The following FGF14 variants were observed in gnomAD, a reference collection of about 807,000 sequenced individuals.
The protein encoded by FGF14 is fibroblast growth factor homologous factor 4.
FGF14 carries 5 observed loss-of-function variants against 25.5 expected under a neutral mutation model. The ratio of observed to expected loss-of-function variants is 0.20; its 90% CI spans 0.10 to 0.41. The LOEUF is 0.41. Ranked by LOEUF, FGF14 falls within the 10% of genes least tolerant of loss-of-function variation. FGF14 has a pLI of 1.00. For missense variants in FGF14, 222 were observed against 320.1 expected, an observed-to-expected ratio of 0.69 and a Z score of 2.34; for synonymous variants, 138 against 118.3, an observed-to-expected ratio of 1.17 and a Z score of -1.08.
chr13:102,016,746 A>G (rs759760841), intron 1 of FGF14, among the ~76,000 whole-genome samples: 2 of 152,050 alleles, frequency 1.3e-5, no homozygotes, highest in South Asian at 4.1e-4. Context: ...TTGGCCTCCC[A>G]AATTGCTGGG....
At chr13:102,067,967 C>A (rs758452748) in intron 1 of FGF14, among the ~76,000 whole-genome samples, 3 of 152,154 alleles carry the variant, frequency 2.0e-5, no homozygotes, top group Non-Finnish European at 4.4e-5. Flanking sequence ...TGGCAGCAGA[C>A]TTCTCAGTGG....
In FGF14 at chr13:102,228,488, T is replaced by C. The variant is rs78501990; in HGVS notation, c.208+172983A>G. ...CTAAAATTGCCTAATGAATACTTAA[T>C]ATCCTTTTCCTTGAGATTGAAAACA... On this transcript the variant is annotated intron_variant, in intron 1 of 4. Transcript: ENST00000376131. Among the ~76,000 whole-genome samples, 697 of 152,310 alleles carry C rather than the reference T, an allele frequency of 4.6e-3. 2 individuals are homozygous for C. The highest frequency in any genetic ancestry group is 7.3e-3 in the Admixed American group (112 of 15,288).
chr13:102,209,402 G>A (rs1208985014), intron 1 of FGF14, among the ~76,000 whole-genome samples: 2 of 152,168 alleles, frequency 1.3e-5, no homozygotes, highest in Non-Finnish European at 2.9e-5. Flanking sequence ...AGCTGAGTAT[G>A]TTCTTCATGA....
intron 1 of FGF14, among the ~76,000 whole-genome samples, chr13:101,963,456 CT>C (rs932514519): frequency 1.1e-4 from 17 of 152,236 alleles, no homozygotes; most frequent in African/African-American, 4.1e-4. Context: ...CTCATTCACC[CT>C]TTTTTCCCCC....
chr13:101,920,358 T>C (rs1296718472), upstream of FGF14, among the ~76,000 whole-genome samples: 2 of 152,222 alleles, frequency 1.3e-5, no homozygotes, highest in Non-Finnish European at 2.9e-5. Context: ...TCAGAGGTTC[T>C]TGGTTCATTT....
chr13:101,990,826 T>C (rs1380080474), intron 1 of FGF14, among the ~76,000 whole-genome samples: 3 of 152,170 alleles, frequency 2.0e-5, no homozygotes, highest in East Asian at 1.9e-4. Flanking sequence ...ATCTCAATTA[T>C]GTTATTCCTG....
Position 102,137,054 on chromosome 13 carries a change from T to G in FGF14, c.209-261758A>C, listed in dbSNP as rs148615390. 1.1e-3 allele frequency among the ~76,000 whole-genome samples: 164 copies of G among 152,338 alleles called. No individual in the cohort carries two copies. In the Middle Eastern group the frequency reaches 0.02, roughly 19 times the overall value. On this transcript the variant is annotated intron_variant, in intron 1 of 4. Transcript: ENST00000376131. The stretch of plus-strand genomic sequence containing the variant: ...TTTTAGAAACAGCAATGAGGTCACT[T>G]TTAAACTATGCTAAAGTTTGGCTAC...
intron 1 of FGF14, among the ~76,000 whole-genome samples, chr13:102,368,535 C>T (rs887022819): frequency 6.6e-6 from 1 of 152,120 alleles, no homozygotes; most frequent in Admixed American, 6.5e-5. Flanking sequence ...CCTCTATATT[C>T]AAAGCTCCAG....
chr13:102,347,316 T>C (rs188310203), intron 1 of FGF14, among the ~76,000 whole-genome samples: 60 of 152,244 alleles, frequency 3.9e-4, no homozygotes, highest in African/African-American at 1.4e-3. Flanking sequence ...CATCACAGTA[T>C]TGCTAATAAT....
chr13:101,748,005 C>CA (rs2036999894), intron 3 of FGF14, among the ~76,000 whole-genome samples: 1 of 151,918 alleles, frequency 6.6e-6, no homozygotes, highest in Admixed American at 6.6e-5. Flanking sequence ...AAAAGGCTTA[C>CA]ACATTGTTGG....
chr13:102,098,517 C>A (rs2044512026), intron 1 of FGF14, among the ~76,000 whole-genome samples: 1 of 152,168 alleles, frequency 6.6e-6, no homozygotes, highest in South Asian at 2.1e-4. Flanking sequence ...TTTACTCTTG[C>A]AACTTTTGTT....
intron 1 of FGF14, among the ~76,000 whole-genome samples, chr13:102,326,697 A>AGGGAAGGGAAGGGAAG (rs1490267550): frequency 2.7e-5 from 1 of 36,808 alleles, no homozygotes; most frequent in Non-Finnish European, 5.3e-5. Context: ...AGGGAAGGGA[A>AGGGAAGGGAAGGGAAG]GGAAGGAAGG....
chr13:101,853,233 C>T lies in FGF14; in HGVS notation c.408+15492G>A, dbSNP rs1274699752. On this transcript the variant is annotated intron_variant, in intron 3 of 4. Coordinates refer to ENST00000376143, the MANE Select transcript of FGF14 (RefSeq NM_004115.4). The stretch of plus-strand genomic sequence containing the variant: ...TCTCTTATTCTATTTCCAAGACAAC[C>T]TTTCTGTCACCCCACTGTCTATTCT... Among the ~76,000 whole-genome samples, 11 of 152,142 alleles carry T rather than the reference C, an allele frequency of 7.2e-5. No individual in the cohort carries two copies. The East Asian group carries it at 1.9e-3, about 27-fold the overall frequency.
chr13:101,737,778 A>C (rs993171904), intron 3 of FGF14, among the ~76,000 whole-genome samples: 4 of 152,160 alleles, frequency 2.6e-5, no homozygotes, highest in African/African-American at 9.7e-5. Context: ...TGCATATACA[A>C]GATTTTTCTA....
chr13:102,158,143 C>A (rs1254256343), intron 1 of FGF14, among the ~76,000 whole-genome samples: 1 of 152,088 alleles, frequency 6.6e-6, no homozygotes, highest in African/African-American at 2.4e-5. Flanking sequence ...ACTAGAAATG[C>A]CATTTGACCC....
chr13:102,249,114 G>C (rs1219633029), intron 1 of FGF14, among the ~76,000 whole-genome samples: 1 of 152,116 alleles, frequency 6.6e-6, no homozygotes, highest in Non-Finnish European at 1.5e-5. Context: ...GTGAATGGAG[G>C]CTAGATGGAA....
intron 1 of FGF14, among the ~76,000 whole-genome samples, chr13:102,069,340 A>G (rs1305243829): frequency 2.0e-5 from 3 of 152,148 alleles, no homozygotes; most frequent in African/African-American, 4.8e-5. Flanking sequence ...CCTGTCAAAA[A>G]AGGCCACTCG....
intron 1 of FGF14, among the ~76,000 whole-genome samples, chr13:101,929,807 A>T (rs1310903942): frequency 6.6e-6 from 1 of 152,262 alleles, no homozygotes; most frequent in Non-Finnish European, 1.5e-5. Flanking sequence ...GTTTATCAGT[A>T]GGTGGTGGGT....
At chr13:102,178,844 T>G (rs2048553086) in intron 1 of FGF14, among the ~76,000 whole-genome samples, 1 of 152,114 alleles carries the variant, frequency 6.6e-6, no homozygotes, top group African/African-American at 2.4e-5. Context: ...ATTTTAAATT[T>G]TAAATTGTAC....
Sources: gnomAD v4.1 joint callset for allele counts (sites outside exome capture counted in the v4.1 genomes callset) on GRCh38, gnomAD v4.1.1 for gene constraint, MANE v1.5 for transcripts, NCBI Gene and HGNC (gene_info 2026-07-23, HGNC 2026-07-21) for gene names.